The following ARHGAP24 variants were observed in gnomAD, a reference collection of about 807,000 sequenced individuals.
ARHGAP24 encodes rho GTPase-activating protein 24.
Under a neutral mutation model 76.4 loss-of-function variants are expected in ARHGAP24, and 50 were observed. That is an observed-to-expected ratio of 0.65 (90% confidence interval 0.52 to 0.83). The LOEUF (loss-of-function observed/expected upper bound fraction) is 0.83, where lower values mean the gene tolerates loss of function less well. ARHGAP24 is among the 40% of genes least tolerant of loss of function. The pLI is 0.00. For missense variants in ARHGAP24, 930 were observed against 914.2 expected, an observed-to-expected ratio of 1.02 and a Z score of -0.22; for synonymous variants, 345 against 323.3, an observed-to-expected ratio of 1.07 and a Z score of -0.72.
rs114043386 is a variant in ARHGAP24, at chr4:85,753,608, C to T, written c.268+31636C>T. On this transcript the variant is annotated intron_variant, in intron 3 of 9. Transcript: ENST00000395184. ...TATGCGCCCCACATATGAGTCTTTA[C>T]GCACTGGTTAATGGCTTCCTCAAAT... is the stretch of plus-strand genomic sequence containing the variant. 6.5e-3 allele frequency among the ~76,000 whole-genome samples: 985 copies of T among 152,276 alleles called. 14 individuals are homozygous for T. Among genetic ancestry groups the T allele is most frequent in the African/African-American group, 0.021 (882 of 41,556 alleles).
chr4:85,572,261 G>GA (rs1727167658), intron 2 of ARHGAP24, among the ~76,000 whole-genome samples: 1 of 152,122 alleles, frequency 6.6e-6, no homozygotes, highest in Non-Finnish European at 1.5e-5. Context: ...AGGTTAATGT[G>GA]AAAAGACAGA....
At chr4:85,691,593 G>A (rs1200501029) in intron 2 of ARHGAP24, among the ~76,000 whole-genome samples, 1 of 152,092 alleles carries the variant, frequency 6.6e-6, no homozygotes, top group Non-Finnish European at 1.5e-5. Context: ...ATTACGCGAT[G>A]CCCTTCTTTG....
intron 4 of ARHGAP24, among the ~76,000 whole-genome samples, chr4:85,926,421 T>G (rs1488823554): frequency 1.3e-5 from 2 of 152,338 alleles, no homozygotes; most frequent in Admixed American, 6.5e-5. Context: ...AGAAATCCTT[T>G]GTGATTTCTC....
chr4:85,571,701 CT>C (rs888516656), intron 2 of ARHGAP24, among the ~76,000 whole-genome samples: 4 of 151,022 alleles, frequency 2.6e-5, no homozygotes, highest in South Asian at 4.2e-4. Context: ...AAACCTTGGT[CT>C]TTTTTTTTGA....
intron 2 of ARHGAP24, among the ~76,000 whole-genome samples, chr4:85,684,711 GAGTC>G (rs1362236428): frequency 6.6e-6 from 1 of 152,144 alleles, no homozygotes; most frequent in Non-Finnish European, 1.5e-5. Context: ...AGTTGATTGA[GAGTC>G]AGGGTGCTGT....
At chr4:85,656,418 G>GA in intron 2 of ARHGAP24, among the ~76,000 whole-genome samples, 1 of 134,900 alleles carries the variant, frequency 7.4e-6, no homozygotes, top group Non-Finnish European at 1.6e-5. Context: ...AATATGATAG[G>GA]ACTTTAGAAT....
chr4:85,751,135 A>T (rs2110066756), intron 3 of ARHGAP24, among the ~76,000 whole-genome samples: 1 of 152,374 alleles, frequency 6.6e-6, no homozygotes, highest in Non-Finnish European at 1.5e-5. Flanking sequence ...TGATTCACAT[A>T]TAAGCATTCA....
intron 3 of ARHGAP24, among the ~76,000 whole-genome samples, chr4:85,880,680 C>T (rs1252826707): frequency 6.6e-6 from 1 of 152,122 alleles, no homozygotes; most frequent in East Asian, 1.9e-4. Flanking sequence ...AGGCGCCCAA[C>T]ATCACGCCCG....
intron 3 of ARHGAP24, among the ~76,000 whole-genome samples, chr4:85,800,016 C>G (rs1728512715): frequency 6.6e-6 from 1 of 152,128 alleles, no homozygotes; most frequent in Admixed American, 6.5e-5. Context: ...GACATAAAAA[C>G]TAAATGCAGC....
chr4:85,599,622 T>C (rs1194939881), intron 2 of ARHGAP24, among the ~76,000 whole-genome samples: 1 of 152,152 alleles, frequency 6.6e-6, no homozygotes, highest in African/African-American at 2.4e-5. Context: ...ATGATTTTAT[T>C]GAAAGAAAAC....
rs143247868 is a variant in ARHGAP24 at position 85,486,612 on chromosome 4, C to T, written c.-21+11053C>T. ...TCCAGCTCTCAGCACTATGTATTGA[C>T]GATGCAGTAAGAAAAGCAGTGAAAA... On this transcript the variant is annotated intron_variant, in intron 1 of 9. Coordinates refer to ENST00000395184, the MANE Select transcript of ARHGAP24 (RefSeq NM_001025616.3). Among the ~76,000 whole-genome samples the T allele has an allele frequency of 3.3e-3, 495 of 152,122 alleles. 3 individuals carry two copies. The highest frequency in any genetic ancestry group is 0.011 in the African/African-American group (467 of 41,488).
chr4:85,531,830 A>G (rs1027484710), intron 1 of ARHGAP24, among the ~76,000 whole-genome samples: 63 of 152,180 alleles, frequency 4.1e-4, no homozygotes, highest in African/African-American at 1.5e-3. Context: ...CTTCACCTCC[A>G]GGCTTCATAT....
chr4:85,564,478 A>C (rs539745259), intron 1 of ARHGAP24, among the ~76,000 whole-genome samples: 326 of 152,012 alleles, frequency 2.1e-3, no homozygotes, highest in African/African-American at 6.7e-3. Context: ...CCAACATGGC[A>C]CATGTATACA....
chr4:85,589,271 A>G (rs964482728), intron 2 of ARHGAP24, among the ~76,000 whole-genome samples: 9 of 152,174 alleles, frequency 5.9e-5, no homozygotes, highest in African/African-American at 1.4e-4. Context: ...TCATTTTCTC[A>G]TCTTAAACCA....
chr4:85,689,417 T>TG (rs1473550883), intron 2 of ARHGAP24, among the ~76,000 whole-genome samples: 1 of 152,138 alleles, frequency 6.6e-6, no homozygotes, highest in Non-Finnish European at 1.5e-5. Flanking sequence ...AACAGAGTCT[T>TG]GCTCTGTCAC....
At chr4:85,606,184 C>G (rs966482433) in intron 2 of ARHGAP24, among the ~76,000 whole-genome samples, 5 of 152,110 alleles carry the variant, frequency 3.3e-5, no homozygotes, top group Non-Finnish European at 7.4e-5. Context: ...GGCATCAGAC[C>G]TCAAAGGGGC....
chr4:85,695,868 G>A (rs780478901), intron 2 of ARHGAP24, among the ~76,000 whole-genome samples: 6 of 152,046 alleles, frequency 3.9e-5, no homozygotes, highest in Non-Finnish European at 7.4e-5. Flanking sequence ...GTACCCAATA[G>A]CAAATACAAT....
At chr4:85,698,070 G>A (rs544860572) in intron 2 of ARHGAP24, among the ~76,000 whole-genome samples, 1 of 152,298 alleles carries the variant, frequency 6.6e-6, no homozygotes, top group South Asian at 2.1e-4. Context: ...GGAGAAGTGG[G>A]AAGGAAGACT....
At chr4:85,506,453 G>A (rs548322951) in intron 1 of ARHGAP24, among the ~76,000 whole-genome samples, 8 of 152,304 alleles carry the variant, frequency 5.3e-5, no homozygotes, top group South Asian at 4.1e-4. Flanking sequence ...CAGCAATGGC[G>A]GACGCCCCTC....
Sources: allele counts gnomAD v4.1 joint callset (sites outside exome capture counted in the v4.1 genomes callset), GRCh38; gene constraint gnomAD v4.1.1; transcripts MANE v1.5; gene names NCBI Gene and HGNC (gene_info 2026-07-23, HGNC 2026-07-21).